Variants in FRMD4A observed in about 807,000 individuals in gnomAD.
The protein encoded by FRMD4A is FERM domain-containing protein 4A.
A neutral mutation model predicts 129.1 loss-of-function variants in FRMD4A; 29 were observed. That is an observed-to-expected ratio of 0.22 (90% CI 0.17 to 0.31). The LOEUF (loss-of-function observed/expected upper bound fraction) is 0.31. FRMD4A is among the 10% of genes least tolerant of loss of function. FRMD4A has a pLI of 1.00. For synonymous variants in FRMD4A, 634 were observed against 571.6 expected, an observed-to-expected ratio of 1.11 and a Z score of -1.56; for missense variants, 1,272 against 1,375.8, an observed-to-expected ratio of 0.92 and a Z score of 1.19.
At chr10:14,324,736 C>T (rs756512003) in intron 2 of FRMD4A, among the ~76,000 whole-genome samples, 19 of 152,214 alleles carry the variant, frequency 1.2e-4, no homozygotes, top group South Asian at 2.1e-4. Flanking sequence ...TCTCGGCTCA[C>T]GGCAACCTCT....
At chr10:14,247,570 T>C (rs1333138117) in intron 2 of FRMD4A, among the ~76,000 whole-genome samples, 1 of 152,118 alleles carries the variant, frequency 6.6e-6, no homozygotes, top group East Asian at 1.9e-4. Flanking sequence ...CCACAGTCAG[T>C]TTTCTGGAGT....
intron 2 of FRMD4A, among the ~76,000 whole-genome samples, chr10:13,925,880 G>T (rs1464870722): frequency 1.5e-4 from 14 of 90,838 alleles, no homozygotes; most frequent in Admixed American, 2.6e-4. Flanking sequence ...ACTGCACCTG[G>T]CTCTTTTTTT....
intron 23 of FRMD4A, chr10:13,654,104 A>C (rs2134563120): frequency 1.9e-6 from 1 of 520,060 alleles, no homozygotes; most frequent in Non-Finnish European, 3.3e-6. Flanking sequence ...GTATAATCCA[A>C]ACCGAAATGA....
intron 2 of FRMD4A, among the ~76,000 whole-genome samples, chr10:13,897,455 G>T (rs981656768): frequency 1.3e-5 from 2 of 152,234 alleles, no homozygotes; most frequent in Admixed American, 1.3e-4. Context: ...GGGGAGGTAG[G>T]AAGGGATGGA....
intron 2 of FRMD4A, among the ~76,000 whole-genome samples, chr10:14,127,909 T>TTGCTTG (rs1564318802): frequency 1.5e-4 from 3 of 20,446 alleles, no homozygotes; most frequent in African/African-American, 4.8e-4. Context: ...TATTTTGCTT[T>TTGCTTG]CTTTCTTTCT....
intron 6 of FRMD4A, among the ~76,000 whole-genome samples, chr10:13,777,645 C>A (rs1262227042): frequency 6.6e-6 from 1 of 152,060 alleles, no homozygotes. Flanking sequence ...GACATTTATT[C>A]TTTTTAATTT....
At chr10:13,924,551 C>T (rs2095108743) in intron 2 of FRMD4A, among the ~76,000 whole-genome samples, 1 of 152,140 alleles carries the variant, frequency 6.6e-6, no homozygotes. Flanking sequence ...GAGAAGCAGT[C>T]CCTGACCACT....
chr10:14,239,951 A>T (rs968276348), intron 2 of FRMD4A, among the ~76,000 whole-genome samples: 3 of 152,222 alleles, frequency 2.0e-5, no homozygotes, highest in Non-Finnish European at 4.4e-5. Flanking sequence ...AAAAGTAAGT[A>T]ACAGGGTCCT....
intron 2 of FRMD4A, among the ~76,000 whole-genome samples, chr10:14,266,283 C>A (rs1844975823): frequency 1.3e-5 from 2 of 152,048 alleles, no homozygotes; most frequent in African/African-American, 4.8e-5. Flanking sequence ...CAGTCAATGA[C>A]AAATGTCCTG....
intron 13 of FRMD4A, 76 bp downstream of exon 13, chr10:13,706,961 A>T: frequency 1.3e-6 from 1 of 790,228 alleles, no homozygotes; most frequent in African/African-American, 1.7e-5. Context: ...GAACAACGAC[A>T]GCCCCAAAAT....
intron 12 of FRMD4A, among the ~76,000 whole-genome samples, chr10:13,729,230 G>T (rs2090151470): frequency 6.6e-6 from 1 of 152,168 alleles, no homozygotes; most frequent in Admixed American, 6.5e-5. Context: ...AATGAGTAAG[G>T]GGCAGCTGCA....
At chr10:14,214,732 G>T (rs1843022803) in intron 2 of FRMD4A, among the ~76,000 whole-genome samples, 1 of 152,018 alleles carries the variant, frequency 6.6e-6, no homozygotes, top group South Asian at 2.1e-4. Context: ...CATGTGCCTA[G>T]AAGTCTACCA....
intron 2 of FRMD4A, among the ~76,000 whole-genome samples, chr10:13,874,393 A>G (rs543653802): frequency 2.0e-5 from 3 of 152,222 alleles, no homozygotes; most frequent in African/African-American, 7.2e-5. Context: ...ATAAAGTTAA[A>G]TTTTAAAACC....
Position 14,185,630 on chromosome 10 carries a change from T to C in FRMD4A, c.45+144428A>G, listed in dbSNP as rs117624389. On this transcript the variant is annotated intron_variant, in intron 2 of 24. Transcript: ENST00000357447. ...AGACAGAAAGGGGATATATACTTCA[T>C]GGTCAGAGAGCTGCAGGGGCGGTTG... Among the ~76,000 whole-genome samples, 510 of 152,254 alleles carry C rather than the reference T, an allele frequency of 3.3e-3. 4 individuals carry two copies. The highest frequency in any genetic ancestry group is 0.03 in the South Asian group (147 of 4,824).
At chr10:13,852,896 T>A (rs182320058) in intron 3 of FRMD4A, among the ~76,000 whole-genome samples, 1 of 152,268 alleles carries the variant, frequency 6.6e-6, no homozygotes, top group Admixed American at 6.5e-5. Flanking sequence ...TTATGTCTCC[T>A]CATAATCTCA....
intron 2 of FRMD4A, among the ~76,000 whole-genome samples, chr10:14,202,403 C>T (rs1842664273): frequency 6.6e-6 from 1 of 152,036 alleles, no homozygotes; most frequent in Non-Finnish European, 1.5e-5. Flanking sequence ...TATTTATTTA[C>T]TTATTTATTT....
intron 2 of FRMD4A, among the ~76,000 whole-genome samples, chr10:14,288,568 C>A (rs1845755239): frequency 6.6e-6 from 1 of 152,090 alleles, no homozygotes; most frequent in Non-Finnish European, 1.5e-5. Context: ...GATATGCAAC[C>A]TTTTTAAAAA....
At chr10:14,001,471 C>T (rs2095642617) in intron 2 of FRMD4A, among the ~76,000 whole-genome samples, 1 of 152,166 alleles carries the variant, frequency 6.6e-6, no homozygotes, top group South Asian at 2.1e-4. Context: ...TCCTGCTTTC[C>T]ACACCAGCTT....
chr10:14,000,150 T>C (rs1426915195), intron 2 of FRMD4A, among the ~76,000 whole-genome samples: 1 of 152,176 alleles, frequency 6.6e-6, no homozygotes, highest in Non-Finnish European at 1.5e-5. Context: ...AGAATAAAGA[T>C]CCATTGCACA....
Sources: allele counts gnomAD v4.1 joint callset (sites outside exome capture counted in the v4.1 genomes callset), GRCh38; gene constraint gnomAD v4.1.1; transcripts MANE v1.5; gene names NCBI Gene and HGNC (gene_info 2026-07-23, HGNC 2026-07-21).